Variants in FBN1 observed in about 807,000 individuals in gnomAD.
The protein encoded by FBN1 is fibrillin-1.
FBN1 carries 29 observed loss-of-function variants against 365.1 expected under a neutral mutation model. The observed-to-expected ratio is 0.08, with a 90% CI of 0.06 to 0.11. The LOEUF is 0.11. Among genes scored for constraint, FBN1 ranks in the 10% least tolerant of loss-of-function variants. The probability of loss-of-function intolerance (pLI) is 1.00; values close to 1 mark genes in which losing one functional copy is unlikely to be tolerated. For synonymous variants in FBN1, 1,210 were observed against 1,270.5 expected (o/e 0.95, Z 1.01); for missense variants, 2,476 against 3,703.2 (o/e 0.67, Z 8.60).
In FBN1 at chr15:48,410,342, CATT is replaced by C. The variant is rs1308460087; in HGVS notation, c.*645_*647del. ...CCATTACAAACCCTCACATTAAGGG[CATT>C]ATTATTCTAGTTTATAAATGTTTCA... On this transcript the variant is annotated 3_prime_UTR_variant, in exon 66 of 66. Coordinates refer to ENST00000316623, the MANE Select transcript of FBN1 (RefSeq NM_000138.5). The C allele has an allele frequency of 4.6e-5, 7 of 152,716 alleles. No individual in the cohort carries two copies. The highest frequency in any genetic ancestry group is 1.4e-4 in the African/African-American group (6 of 41,422). 9.5% of individuals were successfully genotyped at this position (152,716 alleles called of 1,614,324 possible). A position where few individuals can be genotyped will look rare whatever the true frequency, so the allele number is the denominator to read the frequency against.
At chr15:48,468,819 A>G (rs1418705653) in intron 36 of FBN1, among the ~76,000 whole-genome samples, 1 of 150,080 alleles carries the variant, frequency 6.7e-6, no homozygotes, top group South Asian at 2.1e-4. Context: ...CTGTAATCCC[A>G]GCACTTTGGG....
chr15:48,566,066 C>G (rs911189611), intron 6 of FBN1, among the ~76,000 whole-genome samples: 1 of 152,112 alleles, frequency 6.6e-6, no homozygotes, highest in African/African-American at 2.4e-5. Flanking sequence ...AAATATTAGT[C>G]ACTTTCTTTG....
chr15:48,516,614 T>TGAGGTTCTTTATCATGAG (rs1442133193), intron 10 of FBN1, among the ~76,000 whole-genome samples: 38 of 152,212 alleles, frequency 2.5e-4, no homozygotes, highest in Non-Finnish European at 1.0e-4. Flanking sequence ...AGTCTTTATC[T>TGAGGTTCTTTATCATGAG]GTATCAAAAT....
chr15:48,619,491 A>T (rs947507321), intron 2 of FBN1, among the ~76,000 whole-genome samples: 4 of 150,288 alleles, frequency 2.7e-5, no homozygotes, highest in Admixed American at 2.6e-4. Flanking sequence ...CCCCTTTCCT[A>T]TCTGCCTTTC....
chr15:48,549,411 T>C (rs2044123873), intron 6 of FBN1, among the ~76,000 whole-genome samples: 1 of 152,194 alleles, frequency 6.6e-6, no homozygotes, highest in African/African-American at 2.4e-5. Context: ...GCAGTCCACC[T>C]GCATGGGGCA....
chr15:48,469,162 C>CACT (rs2043350011), intron 36 of FBN1, among the ~76,000 whole-genome samples: 2 of 110,176 alleles, frequency 1.8e-5, no homozygotes, highest in African/African-American at 7.6e-5. Flanking sequence ...ATAACTTTGG[C>CACT]ACTAGGAAAA....
chr15:48,497,445 GAATT>G, intron 18 of FBN1, 54 bp from the exon 19 acceptor site: 2 of 1,524,266 alleles, frequency 1.3e-6, no homozygotes, highest in Middle Eastern at 1.7e-4. Flanking sequence ...AATACTGAAT[GAATT>G]GTTAAAAATA....
chr15:48,463,634 C>A (rs1243385289), intron 41 of FBN1, among the ~76,000 whole-genome samples: 1 of 152,150 alleles, frequency 6.6e-6, no homozygotes, highest in African/African-American at 2.4e-5. Context: ...AAGATACACC[C>A]AAAAGTCAAA....
In FBN1 at chr15:48,490,113, C is replaced by A. The variant is rs1597565642; in HGVS notation, c.2855-35G>T. The A allele has an allele frequency of 6.3e-6, 10 of 1,585,884 alleles. No homozygotes were observed. The African/African-American group carries it at 6.7e-5, about 11-fold the overall frequency. On this transcript the variant is annotated intron_variant, in intron 24 of 65. Coordinates refer to ENST00000316623, the MANE Select transcript of FBN1 (RefSeq NM_000138.5). ...GGAATCAAGGGAGGTTAAATAGAGC[C>A]ACACGGCTTCCACTGCCCCAAACTG...
At chr15:48,633,037 C>T (rs1597645284) in intron 2 of FBN1, among the ~76,000 whole-genome samples, 2 of 152,324 alleles carry the variant, frequency 1.3e-5, no homozygotes, top group East Asian at 3.9e-4. Context: ...TTGCCTACAT[C>T]TCCTCAGACA....
chr15:48,463,072 T>A lies in FBN1; in HGVS notation c.5224+10A>T. ...CCTATATTTTTGATAATGGAGAAACTAAAACTCACCTGTACTTGGGATGGG... is the reference window on the plus strand; with the variant it reads ...CCTATATTTTTGATAATGGAGAAACAAAAACTCACCTGTACTTGGGATGGG... On this transcript the variant is annotated intron_variant, in intron 42 of 65. Transcript: ENST00000316623. The A allele has an allele frequency of 6.2e-7, 1 of 1,613,434 alleles. No homozygotes were observed. Among genetic ancestry groups the A allele is most frequent in the East Asian group, 2.2e-5 (1 of 44,876 alleles).
intron 42 of FBN1, 24 bp from the exon 43 acceptor site, chr15:48,460,341 G>A (rs779681413): frequency 1.3e-6 from 2 of 1,501,314 alleles, no homozygotes; most frequent in South Asian, 2.3e-5. Context: ...ACAAAGGTGG[G>A]ATGGGAGGAT....
rs2141229964 is a variant in FBN1 at position 48,428,417 on chromosome 15, T to C, written c.6926A>G (p.Asn2309Ser). Residue 2309 changes from asparagine to serine, a missense_variant, in exon 57 of 66, where the codon AAC becomes AGC. Physicochemically the swap from Asn to Ser is conservative, Grantham distance 46. Coordinates refer to ENST00000316623, the MANE Select transcript of FBN1 (RefSeq NM_000138.5). ...CTCACAGGTGTAGCTCCCACGGGTG[T>C]TGAGGCAGCGCCCATTCTCACAGAT... is the stretch of plus-strand genomic sequence containing the variant. ...PGICENGRCLNTRGSYTCECN... is the reference protein window; with the variant it reads ...PGICENGRCLSTRGSYTCECN... 6.2e-7 allele frequency: 1 copy of C among 1,614,050 alleles called. No individual in the cohort carries two copies. The highest frequency in any genetic ancestry group is 8.5e-7 in the Non-Finnish European group (1 of 1,179,968).
intron 7 of FBN1, among the ~76,000 whole-genome samples, chr15:48,536,024 C>T (rs73394230): frequency 1.3e-5 from 2 of 152,062 alleles, no homozygotes; most frequent in African/African-American, 4.8e-5. Context: ...CCTTTATGAA[C>T]CCATTTGCCC....
intron 55 of FBN1, among the ~76,000 whole-genome samples, chr15:48,431,128 C>G (rs907763860): frequency 5.9e-5 from 9 of 151,862 alleles, no homozygotes; most frequent in Admixed American, 2.6e-4. Flanking sequence ...GAAAGAGTCT[C>G]TCTCTGTTGC....
In FBN1 at chr15:48,497,269, C is replaced by A; in HGVS notation, c.2290G>T (p.Val764Phe). 1.9e-6 allele frequency: 3 copies of A among 1,613,996 alleles called. No individual in the cohort carries two copies. The highest frequency in any genetic ancestry group is 2.5e-6 in the Non-Finnish European group (3 of 1,179,954). ...GAAAATGGGTAAAACTTCTCACCAA[C>A]GCAGTTTTTCCCAGTTGAATCCACT... ...YEVDSTGKNC[V>F]DINECVLNSL... Residue 764 changes from valine to phenylalanine, a missense_variant, in exon 19 of 66, where the codon GTT becomes TTT. Coordinates refer to ENST00000316623, the MANE Select transcript of FBN1 (RefSeq NM_000138.5).
chr15:48,634,318 C>G (rs904813386), intron 2 of FBN1, among the ~76,000 whole-genome samples: 3 of 152,210 alleles, frequency 2.0e-5, no homozygotes, highest in African/African-American at 7.2e-5. Context: ...TCATACGAAT[C>G]TTTTCTGGCA....
At chr15:48,554,278 C>T (rs925667175) in intron 6 of FBN1, among the ~76,000 whole-genome samples, 2 of 152,132 alleles carry the variant, frequency 1.3e-5, no homozygotes, top group Non-Finnish European at 2.9e-5. Flanking sequence ...TTCATGCCTC[C>T]CCTTTGGCCT....
intron 7 of FBN1, 108 bp from the exon 8 acceptor site, chr15:48,534,313 T>A (rs536888404): frequency 1.0e-5 from 12 of 1,163,008 alleles, no homozygotes; most frequent in Non-Finnish European, 1.5e-5. Flanking sequence ...TTTATATCGG[T>A]GAGTTATTTG....
Sources: allele counts gnomAD v4.1 joint callset (sites outside exome capture counted in the v4.1 genomes callset), GRCh38; gene constraint gnomAD v4.1.1; transcripts MANE v1.5; gene names NCBI Gene and HGNC (gene_info 2026-07-23, HGNC 2026-07-21).